The following ALDH1A1 variants were observed in gnomAD, a reference collection of about 807,000 sequenced individuals.
The protein encoded by ALDH1A1 is aldehyde dehydrogenase 1 family member A1.
Under a neutral mutation model 62.1 loss-of-function variants are expected in ALDH1A1, and 19 were observed. The ratio of observed to expected loss-of-function variants is 0.31; its 90% CI spans 0.21 to 0.45. The LOEUF is 0.45. ALDH1A1 is among the 20% of genes least tolerant of loss of function. The pLI is 1.00. For missense variants in ALDH1A1, 521 were observed against 607.1 expected, an observed-to-expected ratio of 0.86 and a Z score of 1.49; for synonymous variants, 231 against 215.9, an observed-to-expected ratio of 1.07 and a Z score of -0.61.
At chr9:72,905,780 A>G (rs992629305) in intron 12 of ALDH1A1, among the ~76,000 whole-genome samples, 178 bp downstream of exon 12, 1 of 152,158 alleles carries the variant, frequency 6.6e-6, no homozygotes, top group African/African-American at 2.4e-5. Flanking sequence ...GCTGTTCTGC[A>G]ATCACCTTTT....
At position 72,904,722 on chromosome 9, in the gene ALDH1A1, G is replaced by A. The variant is rs1157023260; in HGVS notation, c.1433+1236C>T. ...TGAAAATAGTGATGGTTAGAGAGAT[G>A]CCATCCTGACTCTTATACTCTGGTA... On this transcript the variant is annotated intron_variant, in intron 12 of 12. Coordinates refer to ENST00000297785, the MANE Select transcript of ALDH1A1 (RefSeq NM_000689.5). 3.3e-5 allele frequency among the ~76,000 whole-genome samples: 5 copies of A among 152,202 alleles called. No individual in the cohort carries two copies. In the East Asian group the frequency reaches 9.6e-4, roughly 29 times the overall value.
chr9:72,907,343 T>G (rs1264534617), intron 11 of ALDH1A1, among the ~76,000 whole-genome samples: 1 of 152,176 alleles, frequency 6.6e-6, no homozygotes, highest in Admixed American at 6.5e-5. Context: ...AAGCAGCTAT[T>G]AGGTCTGGGA....
chr9:72,952,631 A>G (rs1032967681), intron 1 of ALDH1A1, among the ~76,000 whole-genome samples: 1 of 151,966 alleles, frequency 6.6e-6, no homozygotes, highest in Non-Finnish European at 1.5e-5. Flanking sequence ...CATGCCGGCT[A>G]TAGTGAAGTT....
intron 4 of ALDH1A1, among the ~76,000 whole-genome samples, chr9:72,928,429 T>A (rs370465088): frequency 1.1e-4 from 17 of 152,340 alleles, no homozygotes; most frequent in African/African-American, 4.1e-4. Flanking sequence ...TTGATTAGTC[T>A]GGTCTAACTA....
rs1485879796 is a variant in ALDH1A1 at position 72,911,987 on chromosome 9, T to C, written c.1171A>G (p.Thr391Ala). 2 of 1,613,994 alleles carry C rather than the reference T, an allele frequency of 1.2e-6. No homozygotes were observed. Among genetic ancestry groups the C allele is most frequent in the Admixed American group, 1.7e-5 (1 of 60,016 alleles). ...TCTTTGGCAATGCGCATCTCATCTG[T>C]AACATTAGAGAACACTGTGGGCTGG... ...FVQPTVFSNVTDEMRIAKEEI... is the reference protein window; with the variant it reads ...FVQPTVFSNVADEMRIAKEEI... Residue 391 changes from threonine to alanine, a missense_variant, in exon 10 of 13, where the codon ACA (threonine) becomes GCA (alanine). Thr to Ala is a moderately conservative substitution (Grantham distance 58). Coordinates refer to ENST00000297785, the MANE Select transcript of ALDH1A1 (RefSeq NM_000689.5).
intron 7 of ALDH1A1, among the ~76,000 whole-genome samples, chr9:72,921,713 C>T (rs1830148645): frequency 7.1e-6 from 1 of 140,782 alleles, no homozygotes; most frequent in South Asian, 2.3e-4. Context: ...TGTGATATCA[C>T]ATTTAATTCT....
At chr9:72,926,180 C>G (rs1404681190) in intron 5 of ALDH1A1, among the ~76,000 whole-genome samples, 2 of 152,192 alleles carry the variant, frequency 1.3e-5, no homozygotes, top group Admixed American at 1.3e-4. Context: ...TAATAGTCCT[C>G]TCTGCCTCAG....
intron 7 of ALDH1A1, among the ~76,000 whole-genome samples, chr9:72,921,064 G>A (rs1158184722): frequency 1.3e-5 from 2 of 151,936 alleles, no homozygotes; most frequent in African/African-American, 2.4e-5. Flanking sequence ...TGGCTAACAC[G>A]GTGAAACCCC....
At chr9:72,916,777 G>T (rs1830070236) in intron 9 of ALDH1A1, 143 bp downstream of exon 9, 2 of 558,818 alleles carry the variant, frequency 3.6e-6, no homozygotes, top group Non-Finnish European at 5.6e-6. Flanking sequence ...GAGTTAGATT[G>T]CTTTTAAACA....
chr9:72,943,883 T>C (rs8187893), intron 1 of ALDH1A1, among the ~76,000 whole-genome samples: 3,523 of 151,556 alleles, frequency 0.023, 65 homozygotes, highest in South Asian at 0.064. Context: ...TGTCAATAAA[T>C]GGTGTAGAGG....
At chr9:72,930,539 A>T (rs920231180) in intron 3 of ALDH1A1, among the ~76,000 whole-genome samples, 9 of 152,132 alleles carry the variant, frequency 5.9e-5, no homozygotes. Context: ...AATAAACCTA[A>T]TATATCATTC....
intron 1 of ALDH1A1, chr9:72,942,379 C>T (rs1830424839): frequency 1.0e-6 from 1 of 985,116 alleles, no homozygotes; most frequent in South Asian, 4.7e-5. Context: ...ACACTGTCCC[C>T]CAGCCCTATC....
intron 7 of ALDH1A1, among the ~76,000 whole-genome samples, chr9:72,919,631 C>T (rs1040952716): frequency 2.0e-5 from 3 of 152,192 alleles, no homozygotes; most frequent in South Asian, 4.1e-4. Context: ...GTAACAATAA[C>T]GTATCACTGC....
intron 1 of ALDH1A1, among the ~76,000 whole-genome samples, chr9:72,944,093 C>T (rs1245346629): frequency 6.6e-6 from 1 of 151,988 alleles, no homozygotes; most frequent in African/African-American, 2.4e-5. Flanking sequence ...TGTGGCAGAT[C>T]CTGATCCCCA....
chr9:72,942,146 C>T (rs1415680350), intron 1 of ALDH1A1, among the ~76,000 whole-genome samples: 1 of 152,084 alleles, frequency 6.6e-6, no homozygotes, highest in African/African-American at 2.4e-5. Flanking sequence ...TGCTGATTTG[C>T]CCAATGTCTC....
chr9:72,907,878 G>A (rs1233141240), intron 11 of ALDH1A1, among the ~76,000 whole-genome samples: 4 of 152,066 alleles, frequency 2.6e-5, no homozygotes, highest in Non-Finnish European at 5.9e-5. Flanking sequence ...TTCATCACTA[G>A]CTATACCGAC....
Position 72,930,207 on chromosome 9 carries a change from TC to T in ALDH1A1, c.312+671del, listed in dbSNP as rs1830263639. ...AGACAACAGAAACAAGGAAATACCC[TC>T]CCCCAACTATATTATGCTCTGACTC... On this transcript the variant is annotated intron_variant, in intron 3 of 12. Transcript: ENST00000297785. Among the ~76,000 whole-genome samples the T allele has an allele frequency of 8.5e-5, 13 of 152,228 alleles. No individual in the cohort carries two copies. In the South Asian group the frequency reaches 2.7e-3, roughly 32 times the overall value.
chr9:72,909,021 A>G (rs1271449752), intron 11 of ALDH1A1, among the ~76,000 whole-genome samples: 2 of 152,154 alleles, frequency 1.3e-5, no homozygotes, highest in African/African-American at 4.8e-5. Context: ...ACAGCATAGT[A>G]CCACGTGCTC....
intron 11 of ALDH1A1, among the ~76,000 whole-genome samples, chr9:72,908,915 C>A (rs189085267): frequency 6.6e-6 from 1 of 152,110 alleles, no homozygotes; most frequent in East Asian, 1.9e-4. Context: ...CTTCAATTAT[C>A]TCTAATAATC....
Sources: allele counts gnomAD v4.1 joint callset (sites outside exome capture counted in the v4.1 genomes callset), GRCh38; gene constraint gnomAD v4.1.1; transcripts MANE v1.5; gene names NCBI Gene and HGNC (gene_info 2026-07-23, HGNC 2026-07-21).